The following RBM41 variants were observed in gnomAD, a reference collection of about 807,000 sequenced individuals.
RBM41 encodes the protein RNA-binding protein 41.
In RBM41, 14 loss-of-function variants were observed where a neutral mutation model predicts 30.8. The observed-to-expected ratio is 0.45, with a 90% CI of 0.30 to 0.71. The LOEUF is 0.71. Ranked by LOEUF, RBM41 falls within the 30% of genes least tolerant of loss-of-function variation. The pLI is 0.08. For synonymous variants in RBM41, 120 were observed against 110.1 expected (o/e 1.09, Z -0.56); for missense variants, 276 against 326.3 (o/e 0.85, Z 1.19).
chrX:107,093,545 T>C (rs985125194), intron 5 of RBM41, among the ~76,000 whole-genome samples: 1 of 111,243 alleles, frequency 9.0e-6, no homozygotes, highest in African/African-American at 3.3e-5. Context: ...TCAATGAAAA[T>C]GAAAACACAA....
chrX:107,106,520 T>C (rs1275792960), intron 5 of RBM41, among the ~76,000 whole-genome samples: 1 of 111,584 alleles, frequency 9.0e-6, no homozygotes, highest in Non-Finnish European at 1.9e-5. Flanking sequence ...CATTACTGGG[T>C]ATATACCCAA....
chrX:107,098,990 T>C (rs1923219579), intron 5 of RBM41, among the ~76,000 whole-genome samples: 1 of 109,609 alleles, frequency 9.1e-6, no homozygotes, highest in African/African-American at 3.3e-5. Flanking sequence ...GGAAGACTCT[T>C]TGTCTCAGAA....
In RBM41 at chrX:107,061,910, A is replaced by G. The variant is rs79318886; in HGVS notation, c.*5617T>C. On this transcript the variant is annotated 3_prime_UTR_variant, in exon 8 of 8. Transcript: ENST00000685964. Reference sequence around the variant, plus strand: ...TTTTTCTTTCCTCCATAAAAATAACATTTATTTAAAAAAATTACACACAGT... The same window carrying G: ...TTTTTCTTTCCTCCATAAAAATAACGTTTATTTAAAAAAATTACACACAGT... Among the ~76,000 whole-genome samples the G allele has an allele frequency of 4.0e-3, 450 of 112,541 alleles. 9 individuals carry two copies. Among genetic ancestry groups the G allele is most frequent in the African/African-American group, 0.013 (397 of 31,021 alleles).
rs1935797140 is a variant in RBM41, at chrX:107,065,395, CAGT to C, written c.*2129_*2131del. 7.5e-6 allele frequency: 1 copy of C among 132,857 alleles called. No individual in the cohort carries two copies. Among genetic ancestry groups the C allele is most frequent in the East Asian group, 1.9e-4 (1 of 5,190 alleles). The allele number at this position is 132,857 out of a possible 1,213,427, so 10.9% of individuals were successfully genotyped here. On this transcript the variant is annotated 3_prime_UTR_variant, in exon 8 of 8. Transcript: ENST00000685964. ...TTTGATTTTTTAAAAGTTATTTCCT[CAGT>C]GGTTGCTCTAGGGCTTACCATACAC...
chrX:107,116,594 C>T, intron 2 of RBM41, 56 bp downstream of exon 2: 1 of 1,183,964 alleles, frequency 8.4e-7, no homozygotes, highest in South Asian at 1.9e-5. Context: ...TAAGAGAGAT[C>T]TGTCACCTGG....
intron 5 of RBM41, among the ~76,000 whole-genome samples, chrX:107,091,044 G>A (rs951033799): frequency 1.2e-4 from 13 of 110,158 alleles, no homozygotes; most frequent in Admixed American, 5.9e-4. Context: ...CCACTTATGA[G>A]TGAGAACATG....
At chrX:107,108,578 G>T (rs746017585) in intron 5 of RBM41, among the ~76,000 whole-genome samples, 1 of 112,236 alleles carries the variant, frequency 8.9e-6, no homozygotes, top group Non-Finnish European at 1.9e-5. Context: ...ATGGTAAATT[G>T]ATTTTTCACA....
At position 107,088,508 on chromosome X, in the gene RBM41, T is replaced by G; in HGVS notation, c.927A>C (p.Arg309Ser). The part of the protein sequence containing the change: ...IEFVPEDEIQ[R>S]NRLSEEEIRK... The stretch of plus-strand genomic sequence containing the variant: ...GGATCTCTTCCTCTGACAAACGATT[T>G]CTCTGGATTTCATCTTCTGGGACAA... The change falls in exon 6 of 8, where the codon AGA becomes AGC. Residue 309 changes from arginine (R) to serine (S), a missense_variant. By Grantham distance (110) the Arg-to-Ser change is moderately radical. Transcript: ENST00000685964. 1 of 1,211,436 alleles carries G rather than the reference T, an allele frequency of 8.3e-7. No individual in the cohort carries two copies. The highest frequency in any genetic ancestry group is 1.1e-6 in the Non-Finnish European group (1 of 895,171).
chrX:107,054,309 G>C, the RBM41 span, among the ~76,000 whole-genome samples: 3 of 111,536 alleles, frequency 2.7e-5, no homozygotes, highest in Non-Finnish European at 5.6e-5. Context: ...TAAACAATGA[G>C]GCCAATCCTT....
At chrX:107,074,109 A>G (rs931560109) in intron 6 of RBM41, among the ~76,000 whole-genome samples, 1 of 111,138 alleles carries the variant, frequency 9.0e-6, no homozygotes, top group African/African-American at 3.3e-5. Flanking sequence ...TCAAATAGCT[A>G]GAAGAAGGAT....
At chrX:107,086,528 G>A (rs1922054329) in intron 6 of RBM41, among the ~76,000 whole-genome samples, 1 of 111,294 alleles carries the variant, frequency 9.0e-6, no homozygotes, top group Non-Finnish European at 1.9e-5. Flanking sequence ...ACGAAGAACT[G>A]CATTCTTCAA....
At chrX:107,109,340 A>G (rs1210123627) in intron 5 of RBM41, among the ~76,000 whole-genome samples, 3 of 111,971 alleles carry the variant, frequency 2.7e-5, no homozygotes, top group African/African-American at 9.7e-5. Context: ...AAGAGAAAAT[A>G]TAATCCAAAC....
At position 107,062,624 on chromosome X, in the gene RBM41, T is replaced by A. The variant is rs1469276597; in HGVS notation, c.*4903A>T. ...GCCATGCCATTGGCAGAATATTTTT[T>A]AAAAAATTTTTTAGTTAAAAAAAAA... is the stretch of plus-strand genomic sequence containing the variant. On this transcript the variant is annotated 3_prime_UTR_variant, in exon 8 of 8. Transcript: ENST00000685964. 9.2e-6 allele frequency among the ~76,000 whole-genome samples: 1 copy of A among 108,737 alleles called. No individual in the cohort carries two copies. The highest frequency in any genetic ancestry group is 3.5e-5 in the African/African-American group (1 of 28,624). The allele number at this position is 108,737 out of a possible 115,157, so 94.4% of individuals were successfully genotyped here.
chrX:107,113,015 C>A (rs183628265), intron 5 of RBM41: 2 of 212,726 alleles, frequency 9.4e-6, no homozygotes, highest in Non-Finnish European at 1.7e-5. Context: ...AAAGAAGAAG[C>A]CCCATGCAAT....
chrX:107,073,334 A>C lies in RBM41; in HGVS notation c.1000-3932T>G, dbSNP rs146065190. Among the ~76,000 whole-genome samples the C allele has an allele frequency of 9.5e-4, 107 of 112,149 alleles. 2 individuals carry two copies. In the East Asian group the frequency reaches 0.026, roughly 27 times the overall value. On this transcript the variant is annotated intron_variant, in intron 6 of 7. Transcript: ENST00000685964. Reference sequence around the variant, plus strand: ...GATTTAAAAATGGGCAAATGATCTAAACAGCTATTTCTCTAAAGAAGACAT... The same window carrying C: ...GATTTAAAAATGGGCAAATGATCTACACAGCTATTTCTCTAAAGAAGACAT...
intron 5 of RBM41, among the ~76,000 whole-genome samples, chrX:107,102,564 G>A (rs1764746819): frequency 9.0e-6 from 1 of 111,457 alleles, no homozygotes; most frequent in Non-Finnish European, 1.9e-5. Flanking sequence ...GTCTAATGGT[G>A]TAAATCTCTT....
intron 5 of RBM41, among the ~76,000 whole-genome samples, chrX:107,102,191 T>A (rs1193120430): frequency 8.9e-6 from 1 of 111,737 alleles, no homozygotes; most frequent in Non-Finnish European, 1.9e-5. Context: ...TTGGCTGAAT[T>A]GAGTTCTACT....
intron 5 of RBM41, chrX:107,112,905 T>C: frequency 3.1e-6 from 1 of 324,918 alleles, no homozygotes; most frequent in Non-Finnish European, 6.0e-6. Flanking sequence ...AGGGACAGCA[T>C]GAGGGAGTTT....
downstream of RBM41, among the ~76,000 whole-genome samples, chrX:107,061,368 G>A (rs1461069025): frequency 1.8e-5 from 2 of 111,589 alleles, no homozygotes; most frequent in Non-Finnish European, 3.8e-5. Context: ...TTGAAAATGA[G>A]AGCCCACTGT....
Sources: gnomAD v4.1 joint callset for allele counts (sites outside exome capture counted in the v4.1 genomes callset) on GRCh38, gnomAD v4.1.1 for gene constraint, MANE v1.5 for transcripts, NCBI Gene and HGNC (gene_info 2026-07-23, HGNC 2026-07-21) for gene names.